TET1: variants seen among roughly 807,000 people sequenced by gnomAD.
The protein encoded by TET1 is tet methylcytosine dioxygenase 1, also known as methylcytosine dioxygenase TET1.
In TET1, 13 loss-of-function variants were observed where a neutral mutation model predicts 148.7. The observed-to-expected ratio is 0.09, with a 90% CI of 0.06 to 0.14. TET1 has a LOEUF of 0.14. Ranked by LOEUF, TET1 falls within the 10% of genes least tolerant of loss-of-function variation. TET1 has a pLI of 1.00. For synonymous variants in TET1, 907 were observed against 937.2 expected, an observed-to-expected ratio of 0.97 and a Z score of 0.59; for missense variants, 2,182 against 2,553.8, an observed-to-expected ratio of 0.85 and a Z score of 3.14.
chr10:68,568,345 C>T (rs1181977317), intron 1 of TET1, among the ~76,000 whole-genome samples: 1 of 151,786 alleles, frequency 6.6e-6, no homozygotes, highest in Non-Finnish European at 1.5e-5. Flanking sequence ...GCCTCAGCCT[C>T]CCGAGTAGCT....
intron 3 of TET1, among the ~76,000 whole-genome samples, chr10:68,611,674 C>CT (rs1402809404): frequency 4.0e-5 from 6 of 148,838 alleles, no homozygotes; most frequent in Middle Eastern, 3.6e-3. Context: ...CTTTTCTTTT[C>CT]TTTCTTTTCT....
intron 5 of TET1, 30 bp downstream of exon 5, chr10:68,651,966 A>T (rs768738397): frequency 1.3e-6 from 2 of 1,567,896 alleles, no homozygotes; most frequent in African/African-American, 1.4e-5. Flanking sequence ...TGTTAAAATC[A>T]TTCTTACTGT....
Position 68,645,147 on chromosome 10 carries a change from T to G in TET1, c.2418T>G (p.Ser806=), listed in dbSNP as rs772771276. The change falls in exon 4 of 12, where the codon TCT becomes TCG. Residue 806 remains serine (S), a synonymous_variant. Transcript: ENST00000373644. ...DTANHKNAMS[S]VATDMSCDHL... ...CAAACCATAAAAACGCTATGAGCTC[T>G]GTTGCTACTGATATGAGTTGTGATC... The G allele has an allele frequency of 8.7e-6, 14 of 1,614,030 alleles. No individual in the cohort carries two copies. The East Asian group carries it at 2.9e-4, about 33-fold the overall frequency.
rs1589124395 is a variant in TET1 at position 68,666,984 on chromosome 10, T to A, written c.4462-61T>A. ...ATCATGGAGAACATCAAAAGGAATA[T>A]CCATTGCATTCAAATTTGGCATACT... On this transcript the variant is annotated intron_variant, in intron 6 of 11. Transcript: ENST00000373644. 5 of 1,351,908 alleles carry A rather than the reference T, an allele frequency of 3.7e-6. No homozygotes were observed. The East Asian group carries it at 1.2e-4, about 32-fold the overall frequency. 83.7% of individuals were successfully genotyped at this position (1,351,908 alleles called of 1,614,324 possible). A position where few individuals can be genotyped will look rare whatever the true frequency, so the allele number is the denominator to read the frequency against.
rs143920738 is a variant in TET1 at position 68,675,641 on chromosome 10, C to G, written c.4824+2596C>G. Among the ~76,000 whole-genome samples, 666 of 149,498 alleles carry G rather than the reference C, an allele frequency of 4.5e-3. 3 individuals carry two copies. The highest frequency in any genetic ancestry group is 0.015 in the African/African-American group (629 of 40,670). ...AGTGCAGTGATGTGATCTCAGCTCACTCACTGGACCTGACCTCAGGTGATC... is the reference window on the plus strand; with the variant it reads ...AGTGCAGTGATGTGATCTCAGCTCAGTCACTGGACCTGACCTCAGGTGATC... On this transcript the variant is annotated intron_variant, in intron 8 of 11. Coordinates refer to ENST00000373644, the MANE Select transcript of TET1 (RefSeq NM_030625.3).
In TET1 at chr10:68,688,583, C is replaced by T. The variant is rs953151534; in HGVS notation, c.5404+1876C>T. Among the ~76,000 whole-genome samples, 4 of 151,446 alleles carry T rather than the reference C, an allele frequency of 2.6e-5. 1 individual carries two copies. Among genetic ancestry groups the T allele is most frequent in the South Asian group, 4.2e-4 (2 of 4,790 alleles). ...CCGAGTAGCTGGGACTACAGGCACC[C>T]GCCACCACGCCTGGCTAATTTTTTT... On this transcript the variant is annotated intron_variant, in intron 11 of 11. Transcript: ENST00000373644.
intron 7 of TET1, among the ~76,000 whole-genome samples, 176 bp from the exon 8 acceptor site, chr10:68,672,719 C>T (rs949296160): frequency 6.6e-6 from 1 of 151,918 alleles, no homozygotes; most frequent in Admixed American, 6.6e-5. Flanking sequence ...CTTGAAAAAA[C>T]AAAAGTTAGC....
chr10:68,674,770 G>T (rs1329019806), intron 8 of TET1: 3 of 499,632 alleles, frequency 6.0e-6, no homozygotes, highest in South Asian at 1.5e-5. Flanking sequence ...AGATACGGAA[G>T]ACCTCTTATG....
intron 6 of TET1, among the ~76,000 whole-genome samples, chr10:68,661,138 T>C (rs2055104937): frequency 1.3e-5 from 2 of 149,788 alleles, no homozygotes; most frequent in South Asian, 4.2e-4. Flanking sequence ...CACGCCATTC[T>C]CCTGCCTCAG....
chr10:68,681,112 A>T (rs1589132683), intron 8 of TET1, among the ~76,000 whole-genome samples: 1 of 152,252 alleles, frequency 6.6e-6, no homozygotes, highest in East Asian at 1.9e-4. Flanking sequence ...AATATAAAAC[A>T]TAGCTCTCAT....
chr10:68,690,050 T>G (rs1364684930), intron 11 of TET1, among the ~76,000 whole-genome samples: 1 of 152,228 alleles, frequency 6.6e-6, no homozygotes, highest in Admixed American at 6.5e-5. Flanking sequence ...CTAGAAATAT[T>G]TATAAACTAT....
chr10:68,596,836 A>G (rs948309327), intron 2 of TET1, among the ~76,000 whole-genome samples: 1 of 152,060 alleles, frequency 6.6e-6, no homozygotes, highest in Non-Finnish European at 1.5e-5. Context: ...GAGTGCACAC[A>G]CAGGCCTTCG....
intron 11 of TET1, among the ~76,000 whole-genome samples, chr10:68,689,891 A>G (rs1286173894): frequency 6.6e-6 from 1 of 152,192 alleles, no homozygotes; most frequent in Non-Finnish European, 1.5e-5. Flanking sequence ...TGACATCTTG[A>G]GAGTAATGAT....
At chr10:68,624,983 C>T (rs1378059458) in intron 3 of TET1, among the ~76,000 whole-genome samples, 3 of 151,934 alleles carry the variant, frequency 2.0e-5, no homozygotes, top group Admixed American at 6.6e-5. Context: ...ATCTGCCCGC[C>T]TCGGCCTCCC....
At chr10:68,565,116 G>A (rs2053592095) in intron 1 of TET1, among the ~76,000 whole-genome samples, 1 of 152,084 alleles carries the variant, frequency 6.6e-6, no homozygotes, top group African/African-American at 2.4e-5. Flanking sequence ...GAGTGTACAC[G>A]GGAGAGATTT....
chr10:68,586,501 T>TA (rs1554931409), intron 2 of TET1, among the ~76,000 whole-genome samples: 4 of 122,072 alleles, frequency 3.3e-5, no homozygotes, highest in South Asian at 5.3e-4. Flanking sequence ...TTTTTTTTTT[T>TA]AATTTTTATT....
chr10:68,646,967 T>C lies in TET1; in HGVS notation c.4238T>C (p.Ile1413Thr), dbSNP rs140112074. 4 of 1,613,812 alleles carry C rather than the reference T, an allele frequency of 2.5e-6. No individual in the cohort carries two copies. Among genetic ancestry groups the C allele is most frequent in the African/African-American group, 2.7e-5 (2 of 74,952 alleles). Residue 1413 changes from isoleucine to threonine, a missense_variant, in exon 4 of 12, where the codon ATA becomes ACA. By Grantham distance (89) the Ile-to-Thr change is moderately conservative. Coordinates refer to ENST00000373644, the MANE Select transcript of TET1 (RefSeq NM_030625.3). Reference sequence around the variant, plus strand: ...AACCCTACAAAAAACCTAGTGTCTATAACTAAAGATTCTGAACTGCCCACC... The same window carrying C: ...AACCCTACAAAAAACCTAGTGTCTACAACTAAAGATTCTGAACTGCCCACC... ...FTNPTKNLVS[I>T]TKDSELPTCS...
chr10:68,606,352 G>A (rs369466686), intron 3 of TET1, among the ~76,000 whole-genome samples: 13 of 152,134 alleles, frequency 8.5e-5, no homozygotes, highest in Middle Eastern at 3.2e-3. Flanking sequence ...GGGCGACAGA[G>A]GGAGACTCCC....
intron 3 of TET1, among the ~76,000 whole-genome samples, chr10:68,607,417 T>TG (rs1357444187): frequency 1.3e-5 from 2 of 151,990 alleles, no homozygotes; most frequent in South Asian, 2.1e-4. Context: ...AGTTTTTTTT[T>TG]TTTGTTTTTT....
Sources: allele counts gnomAD v4.1 joint callset (sites outside exome capture counted in the v4.1 genomes callset), GRCh38; gene constraint gnomAD v4.1.1; transcripts MANE v1.5; gene names NCBI Gene and HGNC (gene_info 2026-07-23, HGNC 2026-07-21).